Variants in SLC45A2 observed in about 807,000 individuals in gnomAD.
SLC45A2 encodes the protein solute carrier family 45 member 2.
In SLC45A2, 36 loss-of-function variants were observed where a neutral mutation model predicts 45.5. The ratio of observed to expected loss-of-function variants is 0.79; its 90% confidence interval spans 0.61 to 1.04. The LOEUF (loss-of-function observed/expected upper bound fraction) is 1.04. Ranked by LOEUF, SLC45A2 falls within the 50% of genes least tolerant of loss-of-function variation. The pLI is 0.00. For missense variants in SLC45A2, 719 were observed against 671.0 expected (o/e 1.07, Z -0.79); for synonymous variants, 306 against 269.3 (o/e 1.14, Z -1.33).
intron 2 of SLC45A2, among the ~76,000 whole-genome samples, chr5:33,979,055 TA>T (rs1753003715): frequency 6.6e-6 from 1 of 152,240 alleles, no homozygotes; most frequent in Non-Finnish European, 1.5e-5. Context: ...TCAAACTCTG[TA>T]AAATATTTGA....
At chr5:33,944,931 G>A (rs2111893868) in intron 6 of SLC45A2, 59 bp from the exon 7 acceptor site, 1 of 1,537,548 alleles carries the variant, frequency 6.5e-7, no homozygotes, top group Non-Finnish European at 8.8e-7. Flanking sequence ...TTAGGGCACA[G>A]GTCAGCAAAA....
intron 5 of SLC45A2, 165 bp downstream of exon 5, chr5:33,951,389 A>T: frequency 6.5e-7 from 1 of 1,529,378 alleles, no homozygotes; most frequent in Non-Finnish European, 8.7e-7. Flanking sequence ...TGAAAAAAGG[A>T]TGCTTTATAT....
intron 2 of SLC45A2, among the ~76,000 whole-genome samples, chr5:33,981,505 C>A (rs1202046372): frequency 6.6e-6 from 1 of 152,136 alleles, no homozygotes; most frequent in African/African-American, 2.4e-5. Context: ...CCTCTTGGGC[C>A]AGGATCCTCC....
chr5:33,984,045 G>T (rs1434756605), intron 1 of SLC45A2, among the ~76,000 whole-genome samples, 154 bp downstream of exon 1: 1 of 151,954 alleles, frequency 6.6e-6, no homozygotes, highest in African/African-American at 2.4e-5. Context: ...ACAGAATCTG[G>T]GCCAAATTTG....
chr5:33,970,228 C>A (rs115266928), intron 2 of SLC45A2, among the ~76,000 whole-genome samples: 3,853 of 152,308 alleles, frequency 0.025, 77 homozygotes, highest in Non-Finnish European at 0.037. Flanking sequence ...ACAGGTGCAT[C>A]TGGATGGTGC....
At chr5:33,951,431 G>T in intron 5 of SLC45A2, 123 bp downstream of exon 5, 6 of 1,594,568 alleles carry the variant, frequency 3.8e-6, no homozygotes. Flanking sequence ...TTTTCCTGAC[G>T]TCCATAGATT....
At chr5:33,950,874 A>T (rs183253814) in intron 5 of SLC45A2, among the ~76,000 whole-genome samples, 59 of 152,328 alleles carry the variant, frequency 3.9e-4, no homozygotes, top group African/African-American at 1.3e-3. Context: ...ATGTATACAG[A>T]GCTTGGAGAT....
In SLC45A2 at chr5:33,956,884, G is replaced by T. The variant is rs531181770; in HGVS notation, c.889-2380C>A. Among the ~76,000 whole-genome samples, 257 of 152,162 alleles carry T rather than the reference G, an allele frequency of 1.7e-3. 2 individuals are homozygous for T. Among genetic ancestry groups the T allele is most frequent in the African/African-American group, 5.9e-3 (245 of 41,506 alleles). On this transcript the variant is annotated intron_variant, in intron 3 of 6. Transcript: ENST00000296589. ...TACAAAAGTAAGCAATGAACTCAATGGAGCTTACATTAAGAAATAAAGTTT... is the reference window on the plus strand; with the variant it reads ...TACAAAAGTAAGCAATGAACTCAATTGAGCTTACATTAAGAAATAAAGTTT...
rs776638497 is a variant in SLC45A2 at position 33,982,327 on chromosome 5, G to A, written c.471C>T (p.Asp157=). The part of the protein sequence containing the change: ...IGVVLFDFAA[D]FIDGPIKAYL... Reference sequence around the variant, plus strand: ...AGGCTTTGATGGGCCCATCAATGAAGTCGGCAGCAAAATCAAAGAGAACGA... The same window carrying A: ...AGGCTTTGATGGGCCCATCAATGAAATCGGCAGCAAAATCAAAGAGAACGA... The change falls in exon 2 of 7, where the codon GAC becomes GAT. Residue 157 remains aspartate, a synonymous_variant. Coordinates refer to ENST00000296589, the MANE Select transcript of SLC45A2 (RefSeq NM_016180.5). 1 of 1,614,064 alleles carries A rather than the reference G, an allele frequency of 6.2e-7. No homozygotes were observed. The highest frequency in any genetic ancestry group is 8.5e-7 in the Non-Finnish European group (1 of 1,180,054).
At chr5:33,981,825 T>C (rs1298594834) in intron 2 of SLC45A2, among the ~76,000 whole-genome samples, 1 of 152,242 alleles carries the variant, frequency 6.6e-6, no homozygotes, top group Non-Finnish European at 1.5e-5. Context: ...TACAAATGTC[T>C]GGGCCCCGCC....
In SLC45A2 at chr5:33,954,441, G is replaced by A. The variant is rs35990319; in HGVS notation, c.952C>T (p.Arg318Cys). The A allele has an allele frequency of 1.5e-4, 239 of 1,614,076 alleles. No homozygotes were observed. Among genetic ancestry groups the A allele is most frequent in the African/African-American group, 1.3e-3 (94 of 75,038 alleles). ...ATGAGGTGGCTGATGCAAAGGTAGCGGTAGTGAGGAGGCATGTTCACCAGT... is the reference window on the plus strand; with the variant it reads ...ATGAGGTGGCTGATGCAAAGGTAGCAGTAGTGAGGAGGCATGTTCACCAGT... ...RALVNMPPHY[R>C]YLCISHLIGW... The change falls in exon 4 of 7, where the codon CGC becomes TGC. Residue 318 changes from arginine to cysteine, a missense_variant. Physicochemically the swap from Arg to Cys is radical, Grantham distance 180 (BLOSUM62 -3). Coordinates refer to ENST00000296589, the MANE Select transcript of SLC45A2 (RefSeq NM_016180.5).
intron 1 of SLC45A2, among the ~76,000 whole-genome samples, chr5:33,983,278 CTCT>C (rs1276787452): frequency 6.6e-6 from 1 of 152,176 alleles, no homozygotes; most frequent in Non-Finnish European, 1.5e-5. Flanking sequence ...ATTGTTGTTT[CTCT>C]TGTTTCCATT....
At chr5:33,977,130 A>G (rs1287739544) in intron 2 of SLC45A2, among the ~76,000 whole-genome samples, 1 of 152,248 alleles carries the variant, frequency 6.6e-6, no homozygotes, top group Admixed American at 6.5e-5. Context: ...GGTGCACAGA[A>G]GAAAGGCCAC....
intron 5 of SLC45A2, 36 bp from the exon 6 acceptor site, chr5:33,947,410 A>T (rs1439581001): frequency 6.4e-7 from 1 of 1,552,220 alleles, no homozygotes; most frequent in Admixed American, 1.7e-5. Context: ...TACAGCTGGC[A>T]GTGCCTCATA....
intron 2 of SLC45A2, among the ~76,000 whole-genome samples, chr5:33,966,914 T>C (rs1189865852): frequency 6.6e-6 from 1 of 152,152 alleles, no homozygotes; most frequent in Admixed American, 6.5e-5. Context: ...TGATTTCCAT[T>C]CCTATCTTTG....
intron 3 of SLC45A2, among the ~76,000 whole-genome samples, chr5:33,961,856 T>C (rs2111955665): frequency 6.6e-6 from 1 of 152,306 alleles, no homozygotes; most frequent in East Asian, 1.9e-4. Flanking sequence ...GTATTAGTGT[T>C]AGCCTGTTCC....
chr5:33,954,768 C>T (rs973624914), intron 3 of SLC45A2, among the ~76,000 whole-genome samples: 1 of 152,070 alleles, frequency 6.6e-6, no homozygotes, highest in East Asian at 1.9e-4. Flanking sequence ...TAGCTTCAGG[C>T]CAAGGTGTAG....
chr5:33,946,450 A>G (rs7380538), intron 6 of SLC45A2: 956,631 of 985,602 alleles, frequency 0.97, 466,988 homozygotes, highest in Non-Finnish European at 0.99. Flanking sequence ...TTAAGGAACT[A>G]TAAGCCTATT....
intron 4 of SLC45A2, among the ~76,000 whole-genome samples, chr5:33,953,222 G>A (rs1207821938): frequency 7.0e-6 from 1 of 143,452 alleles, no homozygotes; most frequent in Non-Finnish European, 1.5e-5. Context: ...TAATGGGATG[G>A]CTGGGTCAAA....
Sources: allele counts gnomAD v4.1 joint callset (sites outside exome capture counted in the v4.1 genomes callset), GRCh38; gene constraint gnomAD v4.1.1; transcripts MANE v1.5; gene names NCBI Gene and HGNC (gene_info 2026-07-23, HGNC 2026-07-21).